BCAT1: variants seen among roughly 807,000 people sequenced by gnomAD.
The protein encoded by BCAT1 is branched-chain-amino-acid aminotransferase, cytosolic.
Under a neutral mutation model 52.4 loss-of-function variants are expected in BCAT1, and 48 were observed. That is an observed-to-expected ratio of 0.92 (90% CI 0.73 to 1.16). The LOEUF (loss-of-function observed/expected upper bound fraction) is 1.16, where lower values mean the gene tolerates loss of function less well. Ranked by LOEUF, BCAT1 falls within the 50% of genes most tolerant of loss-of-function variation. The pLI, the probability that BCAT1 is intolerant of heterozygous loss-of-function variation, is 0.00. For missense variants in BCAT1, 451 were observed against 457.1 expected (o/e 0.99, Z 0.12); for synonymous variants, 167 against 161.3 (o/e 1.04, Z -0.27).
intron 5 of BCAT1, among the ~76,000 whole-genome samples, chr12:24,869,422 G>A (rs990519630): frequency 2.6e-5 from 4 of 152,076 alleles, no homozygotes; most frequent in African/African-American, 4.8e-5. Flanking sequence ...GGCTTTGTGG[G>A]GAGTCCCTGT....
chr12:24,881,279 A>G, intron 4 of BCAT1, 22 bp downstream of exon 4: 1 of 1,530,474 alleles, frequency 6.5e-7, no homozygotes, highest in South Asian at 1.2e-5. Context: ...GAAACACAAA[A>G]GAAACTCCTA....
At chr12:24,888,305 C>T (rs1942740404) in intron 3 of BCAT1, among the ~76,000 whole-genome samples, 1 of 152,096 alleles carries the variant, frequency 6.6e-6, no homozygotes, top group Non-Finnish European at 1.5e-5. Context: ...TTGAGACTAG[C>T]CTGGCCAACA....
At chr12:24,941,651 CA>C (rs1943850577) in intron 1 of BCAT1, among the ~76,000 whole-genome samples, 1 of 152,160 alleles carries the variant, frequency 6.6e-6, no homozygotes, top group Admixed American at 6.5e-5. Context: ...AGCATATGAT[CA>C]ATATCTTTTT....
intron 7 of BCAT1, among the ~76,000 whole-genome samples, chr12:24,837,850 C>T (rs1228398638): frequency 3.9e-5 from 6 of 152,100 alleles, no homozygotes; most frequent in Non-Finnish European, 7.3e-5. Flanking sequence ...AGCACGTGTA[C>T]GGTTAAAAAA....
chr12:24,824,700 T>C (rs1461984594), intron 10 of BCAT1, among the ~76,000 whole-genome samples: 4 of 152,174 alleles, frequency 2.6e-5, no homozygotes, highest in Admixed American at 1.3e-4. Context: ...AAATACTGTA[T>C]AATTTGTTCA....
chr12:24,893,825 G>T (rs1942897894), intron 3 of BCAT1, among the ~76,000 whole-genome samples: 1 of 152,120 alleles, frequency 6.6e-6, no homozygotes, highest in Admixed American at 6.5e-5. Flanking sequence ...CATGGCTGAA[G>T]GAGGACATTT....
intron 2 of BCAT1, 119 bp downstream of exon 2, chr12:24,901,695 G>A: frequency 9.6e-7 from 1 of 1,036,988 alleles, no homozygotes; most frequent in Non-Finnish European, 1.4e-6. Context: ...TAAAAGTCTG[G>A]CAACACAACC....
At chr12:24,940,658 C>G (rs1379214725) in intron 1 of BCAT1, among the ~76,000 whole-genome samples, 1 of 151,994 alleles carries the variant, frequency 6.6e-6, no homozygotes, top group Non-Finnish European at 1.5e-5. Flanking sequence ...ATCAGCAGAG[C>G]CAACCATGAA....
At chr12:24,909,846 C>T (rs1009954030) in intron 1 of BCAT1, among the ~76,000 whole-genome samples, 5 of 152,172 alleles carry the variant, frequency 3.3e-5, no homozygotes, top group African/African-American at 1.2e-4. Context: ...CCAGTCACCC[C>T]AGCTATAAAT....
chr12:24,901,303 T>C (rs1199911051), intron 2 of BCAT1, among the ~76,000 whole-genome samples: 2 of 152,210 alleles, frequency 1.3e-5, no homozygotes, highest in Admixed American at 1.3e-4. Flanking sequence ...GATAGACTTA[T>C]AGAAAAAATA....
rs374512227 is a variant in BCAT1 at position 24,836,534 on chromosome 12, T to C, written c.880A>G (p.Ile294Val). Residue 294 changes from isoleucine (I) to valine (V), a missense_variant, in exon 8 of 11, where the codon ATT (isoleucine) becomes GTT (valine). Transcript: ENST00000261192. ...IILPGVTRRCILDLAHQWGEF... is the reference protein window; with the variant it reads ...IILPGVTRRCVLDLAHQWGEF... Reference sequence around the variant, plus strand: ...ACCCACTGATGTGCCAGGTCCAGAATGCACCGCCTTGTCACTCCTGGAAGA... The same window carrying C: ...ACCCACTGATGTGCCAGGTCCAGAACGCACCGCCTTGTCACTCCTGGAAGA... The C allele has an allele frequency of 1.2e-6, 2 of 1,613,206 alleles. No individual in the cohort carries two copies. Among genetic ancestry groups the C allele is most frequent in the Non-Finnish European group, 1.7e-6 (2 of 1,179,624 alleles).
rs182476504 is a variant in BCAT1, at chr12:24,878,526, G to C, written c.510+4C>G. ...GTACCCCAAAATAAAGAGTCAGTTT[G>C]CACCTCAGTTCCAATGAATGTAGGA... On this transcript the variant is annotated splice_donor_region_variant and intron_variant, in intron 5 of 10. Transcript: ENST00000261192. The C allele has an allele frequency of 1.9e-6, 3 of 1,600,740 alleles. No individual in the cohort carries two copies. The highest frequency in any genetic ancestry group is 3.5e-5 in the Admixed American group (2 of 56,754).
At chr12:24,890,178 C>T (rs1447480324) in intron 3 of BCAT1, among the ~76,000 whole-genome samples, 1 of 152,188 alleles carries the variant, frequency 6.6e-6, no homozygotes, top group Non-Finnish European at 1.5e-5. Flanking sequence ...CAACTTGATG[C>T]CTCTCAGTCA....
intron 1 of BCAT1, chr12:24,945,537 T>C (rs751520739): frequency 6.6e-6 from 1 of 152,176 alleles, no homozygotes; most frequent in African/African-American, 2.4e-5. Context: ...TCAGCCATAG[T>C]TTCCTCCTGT....
intron 1 of BCAT1, among the ~76,000 whole-genome samples, chr12:24,913,081 A>G (rs1208572860): frequency 6.6e-6 from 1 of 152,188 alleles, no homozygotes; most frequent in Non-Finnish European, 1.5e-5. Flanking sequence ...TTTAAGAGCA[A>G]GGAGAGTATG....
intron 1 of BCAT1, among the ~76,000 whole-genome samples, chr12:24,947,846 A>G (rs946772118): frequency 1.3e-5 from 2 of 152,268 alleles, no homozygotes; most frequent in African/African-American, 4.8e-5. Flanking sequence ...AACAAGCATG[A>G]GGAAGCCAGA....
At chr12:24,846,040 A>G (rs1941335466) in intron 6 of BCAT1, among the ~76,000 whole-genome samples, 1 of 152,260 alleles carries the variant, frequency 6.6e-6, no homozygotes. Context: ...TAAAAAACAC[A>G]TAGAGAATTC....
At chr12:24,937,600 C>A (rs935918817) in intron 1 of BCAT1, among the ~76,000 whole-genome samples, 1 of 152,176 alleles carries the variant, frequency 6.6e-6, no homozygotes, top group African/African-American at 2.4e-5. Flanking sequence ...ACTTCAGCTC[C>A]TCCTGTGCTC....
At chr12:24,864,991 G>C (rs1283410459) in intron 5 of BCAT1, among the ~76,000 whole-genome samples, 1 of 152,110 alleles carries the variant, frequency 6.6e-6, no homozygotes, top group African/African-American at 2.4e-5. Context: ...TACCTTGCAG[G>C]CTGCTACTTC....
Sources: allele counts gnomAD v4.1 joint callset (sites outside exome capture counted in the v4.1 genomes callset), GRCh38; gene constraint gnomAD v4.1.1; transcripts MANE v1.5; gene names NCBI Gene and HGNC (gene_info 2026-07-23, HGNC 2026-07-21).